Variants in MAPK10 observed in about 807,000 individuals in gnomAD.
The protein encoded by MAPK10 is mitogen-activated protein kinase 10, also known as JNK3 alpha protein kinase.
Under a neutral mutation model 59.3 loss-of-function variants are expected in MAPK10, and 25 were observed. That is an observed-to-expected ratio of 0.42 (90% CI 0.31 to 0.59). The LOEUF (loss-of-function observed/expected upper bound fraction) is 0.59, where lower values mean the gene tolerates loss of function less well. MAPK10 is among the 20% of genes least tolerant of loss of function. The pLI is 0.15. For synonymous variants in MAPK10, 190 were observed against 200.5 expected, an observed-to-expected ratio of 0.95 and a Z score of 0.44; for missense variants, 351 against 568.9, an observed-to-expected ratio of 0.62 and a Z score of 3.90.
intron 1 of MAPK10, among the ~76,000 whole-genome samples, chr4:86,571,726 T>C (rs1235843386): frequency 2.6e-5 from 4 of 152,084 alleles, no homozygotes; most frequent in East Asian, 3.9e-4. Flanking sequence ...AAAGATACGG[T>C]TGGCTATCTC....
At chr4:86,211,468 C>A (rs2085792536) in intron 2 of MAPK10, among the ~76,000 whole-genome samples, 1 of 151,998 alleles carries the variant, frequency 6.6e-6, no homozygotes, top group Non-Finnish European at 1.5e-5. Context: ...AACCAAGAAT[C>A]TAATGTTTAA....
chr4:86,114,474 C>T (rs1223556202), intron 4 of MAPK10, among the ~76,000 whole-genome samples: 2 of 152,190 alleles, frequency 1.3e-5, no homozygotes, highest in Admixed American at 1.3e-4. Flanking sequence ...CACTCCAGAC[C>T]CAGTTCACCT....
intron 1 of MAPK10, among the ~76,000 whole-genome samples, chr4:86,579,392 G>T (rs1762108871): frequency 6.6e-6 from 1 of 152,064 alleles, no homozygotes; most frequent in African/African-American, 2.4e-5. Context: ...ACAGTAAGAA[G>T]TCTTGAACCT....
At chr4:86,030,723 T>G (rs1236413639) in intron 12 of MAPK10, among the ~76,000 whole-genome samples, 4 of 152,178 alleles carry the variant, frequency 2.6e-5, no homozygotes, top group Admixed American at 6.5e-5. Flanking sequence ...TATTTTTTCT[T>G]TTCCTAATTT....
intron 2 of MAPK10, among the ~76,000 whole-genome samples, chr4:86,248,999 A>C (rs1174898047): frequency 6.6e-6 from 1 of 152,236 alleles, no homozygotes; most frequent in Non-Finnish European, 1.5e-5. Context: ...TTAGCACAGG[A>C]AAATATAGAA....
At chr4:86,548,461 T>A (rs1759457842) in intron 1 of MAPK10, among the ~76,000 whole-genome samples, 1 of 152,142 alleles carries the variant, frequency 6.6e-6, no homozygotes, top group Non-Finnish European at 1.5e-5. Flanking sequence ...ATAACTGCTA[T>A]GGTTTGGATC....
In MAPK10 at chr4:86,140,233, C is replaced by T. The variant is rs1457766772; in HGVS notation, c.236+19065G>A. On this transcript the variant is annotated intron_variant, in intron 4 of 13. Coordinates refer to ENST00000641462, the MANE Select transcript of MAPK10 (RefSeq NM_138982.4). ...ATGCTGCTATAAAGACACATGCACA[C>T]GTATGTTTATTGCGGCACTATTCAC... 9.3e-5 allele frequency among the ~76,000 whole-genome samples: 13 copies of T among 139,638 alleles called. No individual in the cohort carries two copies. In the East Asian group the frequency reaches 1.2e-3, roughly 13 times the overall value. 91.6% of individuals were successfully genotyped at this position (139,638 alleles called of 152,430 possible).
At chr4:86,324,733 A>G (rs1380895731) in intron 2 of MAPK10, among the ~76,000 whole-genome samples, 2 of 152,218 alleles carry the variant, frequency 1.3e-5, no homozygotes, top group African/African-American at 4.8e-5. Flanking sequence ...AGCATTATTA[A>G]TAAACTTGTT....
At chr4:86,526,797 G>T (rs1757497067) in intron 1 of MAPK10, among the ~76,000 whole-genome samples, 1 of 151,942 alleles carries the variant, frequency 6.6e-6, no homozygotes, top group African/African-American at 2.4e-5. Flanking sequence ...TTTGATTTCT[G>T]CCTTGATTTC....
chr4:86,438,242 T>C (rs1390563086), intron 1 of MAPK10, among the ~76,000 whole-genome samples: 5 of 152,234 alleles, frequency 3.3e-5, no homozygotes, highest in Non-Finnish European at 2.9e-5. Context: ...TTGTATGTTA[T>C]ACTTAAATAA....
intron 2 of MAPK10, among the ~76,000 whole-genome samples, chr4:86,264,174 G>T (rs1221466187): frequency 6.6e-6 from 1 of 152,156 alleles, no homozygotes; most frequent in Non-Finnish European, 1.5e-5. Flanking sequence ...ACAAGAAAAT[G>T]TTATATTAAT....
intron 3 of MAPK10, among the ~76,000 whole-genome samples, chr4:86,175,136 A>T (rs990914165): frequency 2.4e-4 from 37 of 152,178 alleles, no homozygotes; most frequent in Admixed American, 1.1e-3. Context: ...ATTTTATTTT[A>T]AAAAAATCCT....
At chr4:86,526,933 T>G (rs76318674) in intron 1 of MAPK10, among the ~76,000 whole-genome samples, 7,132 of 152,278 alleles carry the variant, frequency 0.047, 220 homozygotes, top group African/African-American at 0.059. Context: ...TGGTTAGCAT[T>G]ATTTCAACTT....
chr4:86,118,835 T>C (rs906517431), intron 4 of MAPK10, among the ~76,000 whole-genome samples: 3 of 152,214 alleles, frequency 2.0e-5, no homozygotes, highest in African/African-American at 7.2e-5. Context: ...CTTAAACATC[T>C]TAAATCATAG....
intron 1 of MAPK10, among the ~76,000 whole-genome samples, chr4:86,431,491 T>C (rs1053208562): frequency 1.3e-5 from 2 of 152,212 alleles, no homozygotes; most frequent in Non-Finnish European, 2.9e-5. Context: ...TCATGGAAAT[T>C]CACATTGTAT....
At chr4:86,309,725 G>A (rs2095633507) in intron 2 of MAPK10, among the ~76,000 whole-genome samples, 1 of 152,128 alleles carries the variant, frequency 6.6e-6, no homozygotes, top group Non-Finnish European at 1.5e-5. Flanking sequence ...ACATAATAAA[G>A]GGATATTCTC....
chr4:86,101,424 A>ACACAAT, intron 7 of MAPK10: 1 of 505,412 alleles, frequency 2.0e-6, no homozygotes, highest in African/African-American at 1.9e-5. Flanking sequence ...GAATTGTATT[A>ACACAAT]TCATTTTCAC....
chr4:86,188,353 A>T (rs772117010), intron 3 of MAPK10, among the ~76,000 whole-genome samples: 23 of 151,788 alleles, frequency 1.5e-4, no homozygotes, highest in Non-Finnish European at 5.9e-5. Flanking sequence ...ACTAATTTAC[A>T]CTCCCACCAA....
At chr4:86,447,636 C>T (rs1750195360) in intron 1 of MAPK10, among the ~76,000 whole-genome samples, 1 of 152,136 alleles carries the variant, frequency 6.6e-6, no homozygotes, top group African/African-American at 2.4e-5. Flanking sequence ...GTTCCTCTCC[C>T]ACGATACAAA....
Sources: allele counts gnomAD v4.1 joint callset (sites outside exome capture counted in the v4.1 genomes callset), GRCh38; gene constraint gnomAD v4.1.1; transcripts MANE v1.5; gene names NCBI Gene and HGNC (gene_info 2026-07-23, HGNC 2026-07-21).